Variants in MRPS33 observed in about 807,000 individuals in gnomAD.
MRPS33 encodes mitochondrial ribosomal protein S33, also known as small ribosomal subunit protein mS33.
In MRPS33, 11 loss-of-function variants were observed where a neutral mutation model predicts 11.2. That is an observed-to-expected ratio of 0.99 (90% CI 0.62 to 1.63). The LOEUF (loss-of-function observed/expected upper bound fraction) is 1.63. Ranked by LOEUF, MRPS33 falls within the 40% of genes most tolerant of loss-of-function variation. MRPS33 has a pLI of 0.00. For missense variants in MRPS33, 109 were observed against 127.8 expected, an observed-to-expected ratio of 0.85 and a Z score of 0.71; for synonymous variants, 46 against 44.0, an observed-to-expected ratio of 1.05 and a Z score of -0.18.
chr7:141,011,551 C>G (rs1820674273), intron 1 of MRPS33, among the ~76,000 whole-genome samples: 1 of 152,150 alleles, frequency 6.6e-6, no homozygotes, highest in Non-Finnish European at 1.5e-5. Flanking sequence ...GAATAACTAT[C>G]TCAACTCAGT....
chr7:141,006,133 A>C lies in MRPS33; in HGVS notation c.*297T>G. ...AATGAGGTTTCCCCTCCATTCCCCC[A>C]GCATCCCATCCCACCCCAAACAAAT... On this transcript the variant is annotated 3_prime_UTR_variant, in exon 3 of 3. Transcript: ENST00000324787. 2.7e-6 allele frequency: 1 copy of C among 366,170 alleles called. No individual in the cohort carries two copies. 22.7% of individuals were successfully genotyped at this position (366,170 alleles called of 1,614,324 possible). A position where few individuals can be genotyped will look rare whatever the true frequency, so the allele number is the denominator to read the frequency against.
chr7:141,013,347 T>C (rs1052388195), intron 1 of MRPS33, among the ~76,000 whole-genome samples: 3 of 152,208 alleles, frequency 2.0e-5, no homozygotes, highest in African/African-American at 7.2e-5. Flanking sequence ...CACACTAGAA[T>C]AGGCTGGAAC....
At position 141,006,009 on chromosome 7, in the gene MRPS33, T is replaced by G. The variant is rs1820514906; in HGVS notation, c.*421A>C. On this transcript the variant is annotated 3_prime_UTR_variant, in exon 3 of 3. Coordinates refer to ENST00000324787, the MANE Select transcript of MRPS33 (RefSeq NM_053035.3). ...CACACAAAGTTTGTGAGCTTGGTGG[T>G]GGAGACAGTGGCTGAAAGGCCCAAG... 5.8e-6 allele frequency: 1 copy of G among 171,462 alleles called. No individual in the cohort carries two copies. The highest frequency in any genetic ancestry group is 1.2e-5 in the Non-Finnish European group (1 of 80,442). The allele number at this position is 171,462 out of a possible 1,614,324, so 10.6% of individuals were successfully genotyped here. A position where few individuals can be genotyped will look rare whatever the true frequency, so the allele number is the denominator to read the frequency against.
intron 1 of MRPS33, 122 bp from the exon 2 acceptor site, chr7:141,010,782 T>C: frequency 1.4e-6 from 1 of 725,236 alleles, no homozygotes; most frequent in South Asian, 1.7e-5. Context: ...GTTGGCAGGA[T>C]ATGCCTTGGA....
chr7:141,006,441 T>C lies in MRPS33; in HGVS notation c.310A>G (p.Lys104Glu). 6.2e-7 allele frequency: 1 copy of C among 1,613,020 alleles called. No individual in the cohort carries two copies. Among genetic ancestry groups the C allele is most frequent in the East Asian group, 2.2e-5 (1 of 44,878 alleles). The change falls in exon 3 of 3, where the codon AAA (lysine) becomes GAA (glutamate). Residue 104 changes from lysine to glutamate, a missense_variant. Physicochemically the swap from Lys to Glu is moderately conservative, Grantham distance 56. Transcript: ENST00000324787. ...PKKGEGKRAA[K>E]RK ...TTGAGGGACCAACACTATTTCCTTT[T>C]TGCTGCTCTTTTCCCTTCTCCTTTC...
At position 141,003,343 on chromosome 7, in the gene MRPS33, CCTTAT is replaced by C. The variant is rs1427790654; in HGVS notation, c.*3082_*3086del. 2 of 152,206 alleles carry C rather than the reference CCTTAT, an allele frequency of 1.3e-5. No individual in the cohort carries two copies. Among genetic ancestry groups the C allele is most frequent in the East Asian group, 3.8e-4 (2 of 5,202 alleles). The allele number at this position is 152,206 out of a possible 1,614,324, so 9.4% of individuals were successfully genotyped here. ...TCCCTGGTGTCAAGAGTTAACTTTT[CCTTAT>C]CTTCTATTGATACCTTCCAGCTGGT... is the stretch of plus-strand genomic sequence containing the variant. On this transcript the variant is annotated 3_prime_UTR_variant, in exon 3 of 3. Coordinates refer to ENST00000324787, the MANE Select transcript of MRPS33 (RefSeq NM_053035.3).
chr7:141,011,789 A>C (rs1820679198), intron 1 of MRPS33, among the ~76,000 whole-genome samples: 1 of 152,114 alleles, frequency 6.6e-6, no homozygotes, highest in South Asian at 2.1e-4. Context: ...GAATTTCAAA[A>C]TAGTTCTTGT....
intron 2 of MRPS33, among the ~76,000 whole-genome samples, chr7:141,009,154 T>C (rs2129164702): frequency 6.6e-6 from 1 of 151,496 alleles, no homozygotes; most frequent in South Asian, 2.1e-4. Context: ...TTTTTTGAGA[T>C]AGAGTCTTGC....
At chr7:141,011,731 A>G (rs1271829886) in intron 1 of MRPS33, among the ~76,000 whole-genome samples, 5 of 152,132 alleles carry the variant, frequency 3.3e-5, no homozygotes, top group African/African-American at 1.2e-4. Flanking sequence ...TGAAAAACCA[A>G]TGGGAGAAAT....
At chr7:141,013,715 C>A (rs1404003258) in intron 1 of MRPS33, among the ~76,000 whole-genome samples, 1 of 152,176 alleles carries the variant, frequency 6.6e-6, no homozygotes, top group Admixed American at 6.5e-5. Context: ...GCTGAAAATG[C>A]TAAGCAAAAA....
intron 2 of MRPS33, 91 bp downstream of exon 2, chr7:141,010,328 A>G: frequency 7.7e-7 from 1 of 1,293,360 alleles, no homozygotes; most frequent in Non-Finnish European, 1.1e-6. Flanking sequence ...TTATAAGAAC[A>G]AAACTACAAG....
chr7:141,005,847 A>G lies in MRPS33; in HGVS notation c.*583T>C, dbSNP rs572176098. On this transcript the variant is annotated 3_prime_UTR_variant, in exon 3 of 3. Coordinates refer to ENST00000324787, the MANE Select transcript of MRPS33 (RefSeq NM_053035.3). The stretch of plus-strand genomic sequence containing the variant: ...AGACTGAAACTTACATGAGGTAGGG[A>G]GTATTTCTCTTGCTAACCACGTGTA... The G allele has an allele frequency of 6.5e-6, 1 of 152,774 alleles. No individual in the cohort carries two copies. Among genetic ancestry groups the G allele is most frequent in the Non-Finnish European group, 1.5e-5 (1 of 68,416 alleles). The allele number at this position is 152,774 out of a possible 1,614,324, so 9.5% of individuals were successfully genotyped here.
intron 2 of MRPS33, 187 bp downstream of exon 2, chr7:141,010,232 C>CG (rs1820639509): frequency 2.1e-6 from 1 of 476,112 alleles, no homozygotes; most frequent in Non-Finnish European, 3.7e-6. Context: ...CATGAATTTC[C>CG]TTTTTTTTTT....
chr7:141,010,273 A>G, intron 2 of MRPS33, 146 bp downstream of exon 2: 1 of 715,708 alleles, frequency 1.4e-6, no homozygotes, highest in South Asian at 2.0e-5. Flanking sequence ...TTTTGAAAGA[A>G]GACTTTCTCC....
rs1820533455 is a variant in MRPS33 at position 141,006,523 on chromosome 7, C to T, written c.228G>A (p.Gln76=). 6.2e-7 allele frequency: 1 copy of T among 1,613,508 alleles called. No homozygotes were observed. Among genetic ancestry groups the T allele is most frequent in the South Asian group, 1.1e-5 (1 of 91,056 alleles). Residue 76 remains glutamine (Q), a synonymous_variant, in exon 3 of 3, where the codon CAG becomes CAA. Coordinates refer to ENST00000324787, the MANE Select transcript of MRPS33 (RefSeq NM_053035.3). ...GTCGTTTTTGCTCATCCATAAAATC[C>T]TGATGCTCATCTCTGAATGAAGAAG... is the stretch of plus-strand genomic sequence containing the variant. ...RFLGLYRDEH[Q]DFMDEQKRLK...
chr7:141,003,160 A>G lies in MRPS33; in HGVS notation c.*3270T>C, dbSNP rs1488420682. On this transcript the variant is annotated 3_prime_UTR_variant, in exon 3 of 3. Transcript: ENST00000324787. Reference sequence around the variant, plus strand: ...AGGGCAAAATGGTCTATGCACACTGATCCCCACAGGTTAGAAAGCACCAAT... The same window carrying G: ...AGGGCAAAATGGTCTATGCACACTGGTCCCCACAGGTTAGAAAGCACCAAT... 1 of 152,222 alleles carries G rather than the reference A, an allele frequency of 6.6e-6. No homozygotes were observed. The highest frequency in any genetic ancestry group is 2.4e-5 in the African/African-American group (1 of 41,452). The allele number at this position is 152,222 out of a possible 1,614,324, so 9.4% of individuals were successfully genotyped here.
rs1820481351 is a variant in MRPS33, at chr7:141,004,692, A to T, written c.*1738T>A. 1 of 152,242 alleles carries T rather than the reference A, an allele frequency of 6.6e-6. No individual in the cohort carries two copies. Among genetic ancestry groups the T allele is most frequent in the African/African-American group, 2.4e-5 (1 of 41,462 alleles). The allele number at this position is 152,242 out of a possible 1,614,324, so 9.4% of individuals were successfully genotyped here. A position where few individuals can be genotyped will look rare whatever the true frequency, so the allele number is the denominator to read the frequency against. On this transcript the variant is annotated 3_prime_UTR_variant, in exon 3 of 3. Coordinates refer to ENST00000324787, the MANE Select transcript of MRPS33 (RefSeq NM_053035.3). ...TTTACTACAATAATAAAAAGTTATTAAAAAATTACTGGACATGCTAAAGAT... is the reference window on the plus strand; with the variant it reads ...TTTACTACAATAATAAAAAGTTATTTAAAAATTACTGGACATGCTAAAGAT...
chr7:141,005,579 T>A lies in MRPS33; in HGVS notation c.*851A>T, dbSNP rs1241002146. On this transcript the variant is annotated 3_prime_UTR_variant, in exon 3 of 3. Coordinates refer to ENST00000324787, the MANE Select transcript of MRPS33 (RefSeq NM_053035.3). ...GTTGGCCAAAATGGTCTCGATCTCTTGACCTTGTGATCCACCCACCTCGGC... is the reference window on the plus strand; with the variant it reads ...GTTGGCCAAAATGGTCTCGATCTCTAGACCTTGTGATCCACCCACCTCGGC... 6.6e-6 allele frequency: 1 copy of A among 152,188 alleles called. No homozygotes were observed. Among genetic ancestry groups the A allele is most frequent in the East Asian group, 1.9e-4 (1 of 5,178 alleles). 9.4% of individuals were successfully genotyped at this position (152,188 alleles called of 1,614,324 possible).
chr7:141,008,443 C>T (rs1820588114), intron 2 of MRPS33, among the ~76,000 whole-genome samples: 1 of 152,178 alleles, frequency 6.6e-6, no homozygotes, highest in South Asian at 2.1e-4. Flanking sequence ...CAATTCCAAA[C>T]ATTCAAAACA....
Sources: gnomAD v4.1 joint callset for allele counts (sites outside exome capture counted in the v4.1 genomes callset) on GRCh38, gnomAD v4.1.1 for gene constraint, MANE v1.5 for transcripts, NCBI Gene and HGNC (gene_info 2026-07-23, HGNC 2026-07-21) for gene names.